CCDC174: variants seen among roughly 807,000 people sequenced by gnomAD.
CCDC174 encodes coiled-coil domain-containing protein 174.
CCDC174 carries 37 observed loss-of-function variants against 57.1 expected under a neutral mutation model. The ratio of observed to expected loss-of-function variants is 0.65; its 90% CI spans 0.50 to 0.85. CCDC174 has a LOEUF of 0.85. CCDC174 is among the 40% of genes least tolerant of loss of function. The pLI is 0.00. For missense variants in CCDC174, 540 were observed against 574.3 expected (o/e 0.94, Z 0.61); for synonymous variants, 182 against 190.2 (o/e 0.96, Z 0.35).
intron 9 of CCDC174, among the ~76,000 whole-genome samples, 159 bp downstream of exon 9, chr3:14,668,340 AG>A (rs2031408662): frequency 6.6e-6 from 1 of 152,210 alleles, no homozygotes; most frequent in Admixed American, 6.5e-5. Flanking sequence ...TTATAACCAA[AG>A]TGATGCAGAA....
chr3:14,655,572 G>A lies in CCDC174; in HGVS notation c.191G>A (p.Arg64Gln), dbSNP rs780581663. 10 of 1,610,170 alleles carry A rather than the reference G, an allele frequency of 6.2e-6. No homozygotes were observed. The highest frequency in any genetic ancestry group is 3.3e-4 in the Middle Eastern group (2 of 6,064). ...WSKQNVGVSNRAEKDAEQKIE... is the reference protein window; with the variant it reads ...WSKQNVGVSNQAEKDAEQKIE... ...AAACAGAATGTAGGCGTTTCAAATC[G>A]AGCTGAGAAGGATGCTGAACAGAAG... The change falls in exon 3 of 11, where the codon CGA (arginine) becomes CAA (glutamine). Residue 64 changes from arginine (R) to glutamine (Q), a missense_variant. Physicochemically the swap from Arg to Gln is conservative, Grantham distance 43 (BLOSUM62 1). Transcript: ENST00000383794.
At chr3:14,668,976 G>T (rs2031428961) in intron 9 of CCDC174, among the ~76,000 whole-genome samples, 1 of 152,162 alleles carries the variant, frequency 6.6e-6, no homozygotes, top group Non-Finnish European at 1.5e-5. Context: ...TCCAGCCTAG[G>T]GGTAGGCAGG....
chr3:14,659,359 A>G (rs1480586937), intron 4 of CCDC174, among the ~76,000 whole-genome samples: 5 of 151,902 alleles, frequency 3.3e-5, no homozygotes, highest in African/African-American at 4.8e-5. Flanking sequence ...TTTTCCCTCT[A>G]TTTTCAATTT....
intron 9 of CCDC174, 144 bp from the exon 10 acceptor site, chr3:14,669,790 A>G (rs2031454864): frequency 4.2e-6 from 3 of 706,962 alleles, no homozygotes; most frequent in Non-Finnish European, 7.1e-6. Flanking sequence ...TTGTATACAA[A>G]AGACTTAATC....
chr3:14,665,238 T>TATTGATTG (rs3836383), intron 6 of CCDC174, 115 bp downstream of exon 6: 242 of 643,678 alleles, frequency 3.8e-4, no homozygotes, highest in African/African-American at 1.7e-3. Flanking sequence ...AGTAAGGAGA[T>TATTGATTG]ATTGATTGAT....
chr3:14,666,260 GT>G (rs1164049334), intron 6 of CCDC174, among the ~76,000 whole-genome samples: 1 of 152,126 alleles, frequency 6.6e-6, no homozygotes, highest in East Asian at 1.9e-4. Context: ...TGGAAGGAAA[GT>G]TTTTTGTCTT....
chr3:14,665,193 G>C, intron 6 of CCDC174, 70 bp downstream of exon 6: 1 of 1,036,124 alleles, frequency 9.7e-7, no homozygotes, highest in Non-Finnish European at 1.5e-6. Flanking sequence ...TTTGTGAGGG[G>C]AGGCTGTTTT....
At position 14,655,531 on chromosome 3, in the gene CCDC174, A is replaced by AC; in HGVS notation, c.152dup (p.Ser52LysfsTer15). On this transcript the variant is annotated frameshift_variant, in exon 3 of 11. Coordinates refer to ENST00000383794, the MANE Select transcript of CCDC174 (RefSeq NM_016474.5). LOFTEE classifies it high-confidence loss of function. ...TGTCTTCTAAAATTATTCTCCAGAAACCAAGTATCTGGAGCAAACAGAATG... is the reference window on the plus strand; with the variant it reads ...TGTCTTCTAAAATTATTCTCCAGAAACCCAAGTATCTGGAGCAAACAGAATG... The AC allele has an allele frequency of 6.2e-7, 1 of 1,600,552 alleles. No individual in the cohort carries two copies. The highest frequency in any genetic ancestry group is 8.5e-7 in the Non-Finnish European group (1 of 1,173,744).
At chr3:14,669,549 T>A (rs1336128696) in intron 9 of CCDC174, among the ~76,000 whole-genome samples, 3 of 152,176 alleles carry the variant, frequency 2.0e-5, no homozygotes, top group Non-Finnish European at 2.9e-5. Context: ...GAGATTGTGA[T>A]GTTAGTTGAG....
intron 3 of CCDC174, among the ~76,000 whole-genome samples, chr3:14,656,272 T>C (rs1352867270): frequency 6.6e-6 from 1 of 152,178 alleles, no homozygotes; most frequent in East Asian, 1.9e-4. Flanking sequence ...AATTATGTAT[T>C]TTATAGATTT....
chr3:14,667,417 C>A lies in CCDC174; in HGVS notation c.725-7C>A. ...CTGATCTTTTGGGTAATTCATACTT[C>A]TTTCAGAGGCCCGGCAACTTGGTGT... On this transcript the variant is annotated splice_region_variant and splice_polypyrimidine_tract_variant and intron_variant, in intron 7 of 10. Coordinates refer to ENST00000383794, the MANE Select transcript of CCDC174 (RefSeq NM_016474.5). 6.2e-7 allele frequency: 1 copy of A among 1,612,540 alleles called. No homozygotes were observed. Among genetic ancestry groups the A allele is most frequent in the African/African-American group, 1.3e-5 (1 of 74,952 alleles).
chr3:14,667,849 CTT>C (rs999003563), intron 8 of CCDC174, among the ~76,000 whole-genome samples, 198 bp from the exon 9 acceptor site: 13 of 152,146 alleles, frequency 8.5e-5, no homozygotes, highest in Non-Finnish European at 1.8e-4. Flanking sequence ...TCTGTGAACT[CTT>C]ATGAAACTTT....
chr3:14,666,681 G>T, intron 6 of CCDC174, 124 bp from the exon 7 acceptor site: 1 of 724,848 alleles, frequency 1.4e-6, no homozygotes, highest in Non-Finnish European at 2.1e-6. Context: ...TGGGTCAGAA[G>T]CCTCTGTAGT....
In CCDC174 at chr3:14,655,519, T is replaced by G; in HGVS notation, c.148-10T>G. 1 of 1,584,290 alleles carries G rather than the reference T, an allele frequency of 6.3e-7. No individual in the cohort carries two copies. The highest frequency in any genetic ancestry group is 8.6e-7 in the Non-Finnish European group (1 of 1,163,690). Reference sequence around the variant, plus strand: ...GTGGTTCTGTTTTGTCTTCTAAAATTATTCTCCAGAAACCAAGTATCTGGA... The same window carrying G: ...GTGGTTCTGTTTTGTCTTCTAAAATGATTCTCCAGAAACCAAGTATCTGGA... On this transcript the variant is annotated splice_polypyrimidine_tract_variant and intron_variant, in intron 2 of 10. Transcript: ENST00000383794.
chr3:14,666,898 C>T lies in CCDC174; in HGVS notation c.675C>T (p.Ala225=). The change falls in exon 7 of 11, where the codon GCC becomes GCT. Residue 225 remains alanine (A), a synonymous_variant. Coordinates refer to ENST00000383794, the MANE Select transcript of CCDC174 (RefSeq NM_016474.5). ...RQQWEEEERE[A]LKRPMGPVHY... ...AATGGGAGGAAGAAGAAAGAGAGGC[C>T]CTGAAGAGGCCCATGGGGCCCGTAC... 1 of 1,605,256 alleles carries T rather than the reference C, an allele frequency of 6.2e-7. No homozygotes were observed. The highest frequency in any genetic ancestry group is 8.5e-7 in the Non-Finnish European group (1 of 1,177,288).
intron 4 of CCDC174, among the ~76,000 whole-genome samples, chr3:14,659,712 A>G (rs1257850236): frequency 6.6e-6 from 1 of 152,108 alleles, no homozygotes; most frequent in Non-Finnish European, 1.5e-5. Flanking sequence ...AAAAAAAAAC[A>G]AAAAACTCCC....
chr3:14,658,760 TGACAG>T, intron 3 of CCDC174, 106 bp from the exon 4 acceptor site: 1 of 1,204,336 alleles, frequency 8.3e-7, no homozygotes, highest in African/African-American at 1.5e-5. Context: ...GTGGTTGTCT[TGACAG>T]GCTGGGCCTC....
intron 3 of CCDC174, 121 bp from the exon 4 acceptor site, chr3:14,658,750 G>T (rs1204716546): frequency 6.5e-6 from 7 of 1,068,932 alleles, no homozygotes; most frequent in Non-Finnish European, 8.0e-6. Context: ...TGTGCTGGTT[G>T]TGGTTGTCTT....
chr3:14,657,017 C>T (rs73139843), intron 3 of CCDC174, among the ~76,000 whole-genome samples: 2,610 of 152,308 alleles, frequency 0.017, 36 homozygotes, highest in African/African-American at 0.042. Flanking sequence ...CCCCAACAGA[C>T]CTCAGGCTTT....
Sources: gnomAD v4.1 joint callset for allele counts (sites outside exome capture counted in the v4.1 genomes callset) on GRCh38, gnomAD v4.1.1 for gene constraint, MANE v1.5 for transcripts, NCBI Gene and HGNC (gene_info 2026-07-23, HGNC 2026-07-21) for gene names.